The following TMEM132D variants were observed in gnomAD, a reference collection of about 807,000 sequenced individuals.
TMEM132D encodes the protein transmembrane protein 132D, also known as mature OL transmembrane protein.
TMEM132D carries 21 observed loss-of-function variants against 62.3 expected under a neutral mutation model. The observed-to-expected ratio is 0.34, with a 90% CI of 0.24 to 0.49. The LOEUF (loss-of-function observed/expected upper bound fraction) is 0.49. Among genes scored for constraint, TMEM132D ranks in the 20% least tolerant of loss-of-function variants. The pLI, the probability that TMEM132D is intolerant of heterozygous loss-of-function variation, is 0.99. For missense variants in TMEM132D, 1,346 were observed against 1,402.8 expected (o/e 0.96, Z 0.65); for synonymous variants, 621 against 575.6 (o/e 1.08, Z -1.13).
At chr12:129,291,816 A>G (rs1021453444) in intron 4 of TMEM132D, among the ~76,000 whole-genome samples, 1 of 152,128 alleles carries the variant, frequency 6.6e-6, no homozygotes, top group Admixed American at 6.5e-5. Flanking sequence ...CAGAGAAAGA[A>G]AGCCTGATTT....
intron 5 of TMEM132D, among the ~76,000 whole-genome samples, chr12:129,139,203 C>T (rs1428250433): frequency 6.6e-6 from 1 of 152,080 alleles, no homozygotes; most frequent in Non-Finnish European, 1.5e-5. Flanking sequence ...TGATGGGCTG[C>T]CTGACTCTCA....
At chr12:129,308,232 T>C (rs1400549965) in intron 4 of TMEM132D, among the ~76,000 whole-genome samples, 2 of 152,244 alleles carry the variant, frequency 1.3e-5, no homozygotes, top group African/African-American at 4.8e-5. Context: ...CAATTTTTAC[T>C]GACTTATTCA....
chr12:129,268,887 A>G (rs952405988), intron 4 of TMEM132D, among the ~76,000 whole-genome samples: 3 of 152,044 alleles, frequency 2.0e-5, no homozygotes, highest in African/African-American at 7.2e-5. Context: ...GATGAAGCTG[A>G]AAACCAGCAT....
chr12:129,611,033 C>CA lies in TMEM132D; in HGVS notation c.969-79829dup, dbSNP rs113523519. 5.2e-3 allele frequency among the ~76,000 whole-genome samples: 790 copies of CA among 152,182 alleles called. 7 individuals carry two copies. Among genetic ancestry groups the CA allele is most frequent in the African/African-American group, 0.018 (755 of 41,510 alleles). ...TGATCTCAGCTGCACCCCAGGAATC[C>CA]AAAAAAATCTATGGCAGAATTCAAA... On this transcript the variant is annotated intron_variant, in intron 2 of 8. Coordinates refer to ENST00000422113, the MANE Select transcript of TMEM132D (RefSeq NM_133448.3).
chr12:129,682,227 T>G (rs1263767855), intron 2 of TMEM132D, among the ~76,000 whole-genome samples: 1 of 152,232 alleles, frequency 6.6e-6, no homozygotes, highest in African/African-American at 2.4e-5. Context: ...CCTGATACAT[T>G]TCTTGGTAGA....
intron 1 of TMEM132D, among the ~76,000 whole-genome samples, chr12:129,756,933 C>T (rs553321877): frequency 6.6e-6 from 1 of 152,202 alleles, no homozygotes; most frequent in Admixed American, 6.5e-5. Context: ...AGTCTCTCTC[C>T]CTCCCCAGGT....
intron 1 of TMEM132D, among the ~76,000 whole-genome samples, chr12:129,890,731 T>C (rs894984748): frequency 1.3e-5 from 2 of 152,232 alleles, no homozygotes; most frequent in Non-Finnish European, 2.9e-5. Flanking sequence ...TTTCCCCCAC[T>C]AGACTCTAAT....
At chr12:129,559,499 T>A (rs1263996484) in intron 2 of TMEM132D, among the ~76,000 whole-genome samples, 3 of 152,206 alleles carry the variant, frequency 2.0e-5, no homozygotes, top group Admixed American at 6.5e-5. Flanking sequence ...TGGTTATTTT[T>A]TCCAGCAGGT....
At chr12:129,688,017 T>C (rs1880973124) in intron 2 of TMEM132D, among the ~76,000 whole-genome samples, 1 of 152,154 alleles carries the variant, frequency 6.6e-6, no homozygotes, top group South Asian at 2.1e-4. Flanking sequence ...CACATAAATG[T>C]GTGTGAAGCC....
At chr12:129,241,538 C>G (rs1879937558) in intron 4 of TMEM132D, among the ~76,000 whole-genome samples, 1 of 152,120 alleles carries the variant, frequency 6.6e-6, no homozygotes. Flanking sequence ...CTCTCCCTCC[C>G]CTGTTATCCT....
intron 5 of TMEM132D, among the ~76,000 whole-genome samples, chr12:129,147,466 T>C (rs575560832): frequency 1.3e-5 from 2 of 152,150 alleles, no homozygotes; most frequent in Non-Finnish European, 2.9e-5. Context: ...TATTCTTTCA[T>C]AACTACTGCA....
intron 4 of TMEM132D, among the ~76,000 whole-genome samples, chr12:129,308,573 C>G (rs927193821): frequency 9.2e-5 from 14 of 152,154 alleles, no homozygotes; most frequent in African/African-American, 3.1e-4. Context: ...TCAAAATACT[C>G]GATGACCCAT....
At chr12:129,780,996 C>G (rs1407770708) in intron 1 of TMEM132D, among the ~76,000 whole-genome samples, 1 of 152,204 alleles carries the variant, frequency 6.6e-6, no homozygotes, top group African/African-American at 2.4e-5. Flanking sequence ...TCTGGCCACT[C>G]CCTGCTGGGG....
chr12:129,475,241 C>T (rs767775875), intron 3 of TMEM132D, among the ~76,000 whole-genome samples: 1 of 152,114 alleles, frequency 6.6e-6, no homozygotes, highest in Non-Finnish European at 1.5e-5. Flanking sequence ...TAGTAGAGGT[C>T]CTGGTACTGG....
chr12:129,240,927 C>T (rs1226675976), intron 4 of TMEM132D, among the ~76,000 whole-genome samples: 4 of 152,106 alleles, frequency 2.6e-5, no homozygotes, highest in South Asian at 4.1e-4. Flanking sequence ...TCCTCTTTAT[C>T]CTGCCTTCTG....
intron 4 of TMEM132D, among the ~76,000 whole-genome samples, chr12:129,326,800 T>G (rs1053104371): frequency 2.0e-5 from 3 of 152,228 alleles, no homozygotes; most frequent in Non-Finnish European, 4.4e-5. Context: ...ATTAACATAA[T>G]CTACCAATAC....
chr12:129,365,832 G>C (rs1215449418), intron 3 of TMEM132D, among the ~76,000 whole-genome samples: 1 of 152,080 alleles, frequency 6.6e-6, no homozygotes, highest in Non-Finnish European at 1.5e-5. Context: ...GAGCTGAATG[G>C]AGGCTGTCTG....
At chr12:129,359,655 A>G (rs1870182801) in intron 3 of TMEM132D, among the ~76,000 whole-genome samples, 1 of 152,240 alleles carries the variant, frequency 6.6e-6, no homozygotes, top group African/African-American at 2.4e-5. Flanking sequence ...TTAACTGTAT[A>G]AGAAATGGAA....
At chr12:129,802,119 A>G (rs1368299445) in intron 1 of TMEM132D, among the ~76,000 whole-genome samples, 1 of 151,504 alleles carries the variant, frequency 6.6e-6, no homozygotes, top group Non-Finnish European at 1.5e-5. Flanking sequence ...ACTCTGCAGG[A>G]TATTATCCAG....
Sources: allele counts gnomAD v4.1 joint callset (sites outside exome capture counted in the v4.1 genomes callset), GRCh38; gene constraint gnomAD v4.1.1; transcripts MANE v1.5; gene names NCBI Gene and HGNC (gene_info 2026-07-23, HGNC 2026-07-21).